MAN1A2: variants seen among roughly 807,000 people sequenced by gnomAD.
The protein encoded by MAN1A2 is mannosyl-oligosaccharide 1,2-alpha-mannosidase IB.
A neutral mutation model predicts 75.7 loss-of-function variants in MAN1A2; 26 were observed. The observed-to-expected ratio is 0.34, with a 90% CI of 0.25 to 0.48. MAN1A2 has a LOEUF of 0.48. MAN1A2 is among the 20% of genes least tolerant of loss of function. The probability of loss-of-function intolerance (pLI) is 0.99; values close to 1 mark genes in which losing one functional copy is unlikely to be tolerated. For missense variants in MAN1A2, 562 were observed against 775.5 expected, an observed-to-expected ratio of 0.72 and a Z score of 3.27; for synonymous variants, 247 against 264.6, an observed-to-expected ratio of 0.93 and a Z score of 0.65.
intron 5 of MAN1A2, among the ~76,000 whole-genome samples, chr1:117,433,083 A>C (rs1648727236): frequency 6.6e-6 from 1 of 151,830 alleles, no homozygotes; most frequent in African/African-American, 2.4e-5. Context: ...TAATTATTGC[A>C]ATAAATTTAG....
intron 1 of MAN1A2, among the ~76,000 whole-genome samples, chr1:117,401,621 G>C (rs1287924835): frequency 6.6e-6 from 1 of 152,088 alleles, no homozygotes; most frequent in African/African-American, 2.4e-5. Flanking sequence ...AGATTCATGG[G>C]TTTCATATAG....
rs904484273 is a variant in MAN1A2 at position 117,408,322 on chromosome 1, A to T, written c.655+2677A>T. ...TCTCTTAAAAAAAAAAAAAAAAAAA[A>T]GCAGAATGAGTTCTTTCTATTTAGA... is the stretch of plus-strand genomic sequence containing the variant. On this transcript the variant is annotated intron_variant, in intron 3 of 12. Transcript: ENST00000356554. 4.0e-5 allele frequency among the ~76,000 whole-genome samples: 6 copies of T among 149,816 alleles called. No homozygotes were observed. The South Asian group carries it at 6.3e-4, about 16-fold the overall frequency.
intron 4 of MAN1A2, among the ~76,000 whole-genome samples, chr1:117,418,698 T>G (rs1322861254): frequency 5.9e-5 from 9 of 152,278 alleles, no homozygotes; most frequent in African/African-American, 2.2e-4. Context: ...TCATCAAGTT[T>G]AGTAGGTTCT....
At chr1:117,413,269 A>G (rs1376843993) in intron 3 of MAN1A2, among the ~76,000 whole-genome samples, 10 of 151,966 alleles carry the variant, frequency 6.6e-5, no homozygotes, top group Admixed American at 6.6e-4. Context: ...AGATAGATGT[A>G]TTGATAAGTT....
At chr1:117,377,822 A>G (rs1348439775) in intron 1 of MAN1A2, among the ~76,000 whole-genome samples, 1 of 152,046 alleles carries the variant, frequency 6.6e-6, no homozygotes, top group Non-Finnish European at 1.5e-5. Flanking sequence ...TTCTTATTTT[A>G]AAAGTTATTG....
At chr1:117,415,791 C>T (rs1647971683) in intron 4 of MAN1A2, among the ~76,000 whole-genome samples, 1 of 151,938 alleles carries the variant, frequency 6.6e-6, no homozygotes, top group African/African-American at 2.4e-5. Flanking sequence ...TATCTTAGAC[C>T]TCATGATATG....
At chr1:117,433,967 G>A (rs1648764040) in intron 5 of MAN1A2, among the ~76,000 whole-genome samples, 1 of 152,274 alleles carries the variant, frequency 6.6e-6, no homozygotes, top group South Asian at 2.1e-4. Context: ...GTGATTATAT[G>A]GCATTTGCAG....
intron 8 of MAN1A2, among the ~76,000 whole-genome samples, chr1:117,485,477 G>T (rs2101864934): frequency 6.6e-6 from 1 of 152,060 alleles, no homozygotes. Context: ...TAATGGACAA[G>T]ATATTTCAAC....
At chr1:117,486,522 G>A (rs961670446) in intron 8 of MAN1A2, among the ~76,000 whole-genome samples, 44 of 151,790 alleles carry the variant, frequency 2.9e-4, no homozygotes, top group African/African-American at 8.9e-4. Context: ...CAAATAACTC[G>A]GAGAAGTTAT....
intron 7 of MAN1A2, among the ~76,000 whole-genome samples, chr1:117,461,950 C>T (rs527463373): frequency 6.6e-6 from 1 of 152,224 alleles, no homozygotes; most frequent in African/African-American, 2.4e-5. Flanking sequence ...ATTTACATTG[C>T]CCAGTTATCA....
intron 1 of MAN1A2, among the ~76,000 whole-genome samples, chr1:117,394,121 G>A (rs543918534): frequency 4.7e-5 from 7 of 150,210 alleles, no homozygotes; most frequent in South Asian, 4.2e-4. Flanking sequence ...TTGCCCTGTC[G>A]CCCAGGCTGG....
intron 12 of MAN1A2, among the ~76,000 whole-genome samples, chr1:117,506,500 A>G (rs934646215): frequency 1.3e-5 from 2 of 151,578 alleles, no homozygotes; most frequent in Non-Finnish European, 3.0e-5. Context: ...TATCTAGCAT[A>G]TATACTGATG....
chr1:117,386,036 G>A (rs1653514391), intron 1 of MAN1A2, among the ~76,000 whole-genome samples: 1 of 152,126 alleles, frequency 6.6e-6, no homozygotes, highest in Non-Finnish European at 1.5e-5. Flanking sequence ...ATAGGTGATA[G>A]GCAATACCCT....
chr1:117,526,880 C>CTCTATATATATATATATATATA lies in MAN1A2; in HGVS notation c.*3924_*3925insCTATATATATATATATATATAT. 8 of 54,524 alleles carry CTCTATATATATATATATATATA rather than the reference C, an allele frequency of 1.5e-4. No individual in the cohort carries two copies. Among genetic ancestry groups the CTCTATATATATATATATATATA allele is most frequent in the Non-Finnish European group, 2.4e-4 (7 of 29,164 alleles). The allele number at this position is 54,524 out of a possible 1,614,324, so 3.4% of individuals were successfully genotyped here. A position where few individuals can be genotyped will look rare whatever the true frequency, so the allele number is the denominator to read the frequency against. ...TCTCTCTCTCTCTCTCTCTCTCTCTCTATATATATATATATATATATATAT... is the reference window on the plus strand; with the variant it reads ...TCTCTCTCTCTCTCTCTCTCTCTCTCTCTATATATATATATATATATATATATATATATATATATATATATAT... On this transcript the variant is annotated 3_prime_UTR_variant, in exon 13 of 13. Transcript: ENST00000356554.
chr1:117,467,426 TC>T (rs537153181), intron 8 of MAN1A2, among the ~76,000 whole-genome samples: 35 of 152,238 alleles, frequency 2.3e-4, no homozygotes, highest in African/African-American at 7.5e-4. Flanking sequence ...TTTGTTCCTT[TC>T]TAGGAAATTG....
At chr1:117,411,142 A>G (rs1647804017) in intron 3 of MAN1A2, among the ~76,000 whole-genome samples, 1 of 151,820 alleles carries the variant, frequency 6.6e-6, no homozygotes, top group Non-Finnish European at 1.5e-5. Flanking sequence ...ATAGTCAAGT[A>G]ATTTTTTTAA....
intron 1 of MAN1A2, among the ~76,000 whole-genome samples, chr1:117,395,102 C>T (rs549059917): frequency 6.6e-6 from 1 of 152,164 alleles, no homozygotes; most frequent in Non-Finnish European, 1.5e-5. Context: ...CGTATGAATT[C>T]TGCAGGACAG....
intron 12 of MAN1A2, among the ~76,000 whole-genome samples, chr1:117,509,994 C>A (rs769301819): frequency 3.3e-5 from 5 of 151,424 alleles, no homozygotes; most frequent in Non-Finnish European, 7.4e-5. Flanking sequence ...ATTATATATA[C>A]CTATTATTCT....
intron 1 of MAN1A2, among the ~76,000 whole-genome samples, chr1:117,385,183 C>T (rs1653483852): frequency 6.6e-6 from 1 of 152,056 alleles, no homozygotes; most frequent in Non-Finnish European, 1.5e-5. Flanking sequence ...TCAGTAGATC[C>T]CTGCAGAATT....
Sources: allele counts gnomAD v4.1 joint callset (sites outside exome capture counted in the v4.1 genomes callset), GRCh38; gene constraint gnomAD v4.1.1; transcripts MANE v1.5; gene names NCBI Gene and HGNC (gene_info 2026-07-23, HGNC 2026-07-21).